PRKN: variants seen among roughly 807,000 people sequenced by gnomAD.
PRKN encodes parkin RBR E3 ubiquitin protein ligase.
In PRKN, 56 loss-of-function variants were observed where a neutral mutation model predicts 59.5. The ratio of observed to expected loss-of-function variants is 0.94; its 90% CI spans 0.76 to 1.18. The LOEUF (loss-of-function observed/expected upper bound fraction) is 1.18. PRKN is among the 50% of genes most tolerant of loss of function. PRKN has a pLI of 0.00. For missense variants in PRKN, 657 were observed against 596.4 expected, an observed-to-expected ratio of 1.10 and a Z score of -1.06; for synonymous variants, 250 against 222.1, an observed-to-expected ratio of 1.13 and a Z score of -1.12.
At position 162,070,050 on chromosome 6, in the gene PRKN, C is replaced by G. The variant is rs539685848; in HGVS notation, c.535-15876G>C. ...TCGCTTTCACATGTCCCAAGCCAAC[C>G]TTGATTTCCAGTGAAAATCTGTTAA... On this transcript the variant is annotated intron_variant, in intron 4 of 11. Transcript: ENST00000366898. Among the ~76,000 whole-genome samples the G allele has an allele frequency of 1.1e-4, 17 of 152,304 alleles. No homozygotes were observed. The South Asian group carries it at 3.5e-3, about 32-fold the overall frequency.
chr6:162,604,103 G>A (rs568334361), intron 1 of PRKN, among the ~76,000 whole-genome samples: 53 of 152,222 alleles, frequency 3.5e-4, no homozygotes, highest in African/African-American at 1.1e-3. Context: ...ACACTGCACC[G>A]CAGCAATTGC....
intron 7 of PRKN, among the ~76,000 whole-genome samples, chr6:161,707,112 G>A (rs1002886525): frequency 3.3e-5 from 5 of 152,064 alleles, no homozygotes; most frequent in East Asian, 3.8e-4. Context: ...TGCTAGTTCA[G>A]TTTAAAAAAT....
intron 1 of PRKN, among the ~76,000 whole-genome samples, chr6:162,483,840 T>C (rs542886599): frequency 1.3e-5 from 2 of 152,336 alleles, no homozygotes; most frequent in East Asian, 1.9e-4. Flanking sequence ...AATTGCAAGA[T>C]TGCTTATAAC....
rs117899794 is a variant in PRKN, at chr6:161,773,419, G to C, written c.871+12353C>G. ...GACGAGGCAGGGGGAAAGAATTCAG[G>C]CCATTCTACTATCTGTTTATCTATC... On this transcript the variant is annotated intron_variant, in intron 7 of 11. Transcript: ENST00000366898. Among the ~76,000 whole-genome samples the C allele has an allele frequency of 8.6e-3, 1,307 of 152,222 alleles. 3 individuals are homozygous for C. The highest frequency in any genetic ancestry group is 0.014 in the Non-Finnish European group (985 of 67,998).
Position 161,551,837 on chromosome 6 carries a change from C to T in PRKN, c.934-2834G>A, listed in dbSNP as rs143537794. On this transcript the variant is annotated intron_variant, in intron 8 of 11. Transcript: ENST00000366898. The surrounding 1 kb of genome is among the most constrained non-coding windows in gnomAD (Gnocchi z 5.2). ...CTGAAGGCAGGACTGAGACGAGAAG[C>T]GCAGATGGACAGTTTAAGCCAGAGA... Among the ~76,000 whole-genome samples the T allele has an allele frequency of 9.0e-3, 1,371 of 152,172 alleles. 27 individuals are homozygous for T. The highest frequency in any genetic ancestry group is 0.032 in the African/African-American group (1,318 of 41,496).
intron 6 of PRKN, among the ~76,000 whole-genome samples, chr6:161,942,739 T>C (rs1445554857): frequency 6.6e-6 from 1 of 152,158 alleles, no homozygotes; most frequent in Admixed American, 6.6e-5. Flanking sequence ...AGACTGTTCA[T>C]ATCATTTATT....
intron 7 of PRKN, among the ~76,000 whole-genome samples, chr6:161,644,829 G>C (rs1209218416): frequency 3.3e-5 from 5 of 152,320 alleles, no homozygotes; most frequent in Admixed American, 3.3e-4. Context: ...AACAGCCAAG[G>C]CTGCCCGAAA....
chr6:161,928,463 C>G (rs1779046645), intron 6 of PRKN, among the ~76,000 whole-genome samples: 2 of 152,066 alleles, frequency 1.3e-5, no homozygotes, highest in Admixed American at 6.6e-5. Flanking sequence ...TATTTCTTAG[C>G]TTCATAAAGT....
intron 1 of PRKN, among the ~76,000 whole-genome samples, chr6:162,461,030 A>C (rs998438045): frequency 6.6e-6 from 1 of 152,194 alleles, no homozygotes; most frequent in Admixed American, 6.5e-5. Context: ...TACTGTCAAC[A>C]AATATTTACT....
intron 2 of PRKN, among the ~76,000 whole-genome samples, chr6:162,403,403 CT>C (rs746868891): frequency 5.3e-4 from 81 of 152,226 alleles, no homozygotes; most frequent in Non-Finnish European, 1.0e-3. Context: ...ACCACTCCGC[CT>C]TATTTAGAAC....
chr6:161,990,668 C>G (rs548288702), intron 5 of PRKN, among the ~76,000 whole-genome samples: 3 of 152,038 alleles, frequency 2.0e-5, no homozygotes, highest in Non-Finnish European at 4.4e-5. Flanking sequence ...AAAAAGAATT[C>G]TGAACTTGAA....
chr6:162,574,855 T>C (rs1428357547), intron 1 of PRKN, among the ~76,000 whole-genome samples: 1 of 151,314 alleles, frequency 6.6e-6, no homozygotes, highest in Non-Finnish European at 1.5e-5. Flanking sequence ...GTCAAATGGA[T>C]TGGTTGTTTT....
At chr6:162,705,990 C>T (rs1353933336) in intron 1 of PRKN, among the ~76,000 whole-genome samples, 1 of 152,096 alleles carries the variant, frequency 6.6e-6, no homozygotes, top group African/African-American at 2.4e-5. Flanking sequence ...CAGACACCTC[C>T]GCCAGCCCCT....
At chr6:162,365,200 T>C (rs1412375924) in intron 2 of PRKN, among the ~76,000 whole-genome samples, 1 of 152,138 alleles carries the variant, frequency 6.6e-6, no homozygotes, top group Non-Finnish European at 1.5e-5. Context: ...TCCCCACCTC[T>C]GAATTTCACC....
Position 162,640,619 on chromosome 6 carries a change from G to A in PRKN, c.7+87043C>T, listed in dbSNP as rs137941641. Among the ~76,000 whole-genome samples, 67 of 152,304 alleles carry A rather than the reference G, an allele frequency of 4.4e-4. No homozygotes were observed. The East Asian group carries it at 0.012, about 27-fold the overall frequency. ...TAAATTAGTCTCATCAGTTCATTTA[G>A]TCCTTAGTAATTAAGTTTTATTCTG... On this transcript the variant is annotated intron_variant, in intron 1 of 11. Coordinates refer to ENST00000366898, the MANE Select transcript of PRKN (RefSeq NM_004562.3).
In PRKN at chr6:162,663,161, G is replaced by C. The variant is rs181668238; in HGVS notation, c.7+64501C>G. The stretch of plus-strand genomic sequence containing the variant: ...CTTATCAGCTAATTCTTAGCAGAAA[G>C]CCTTTTATATATCAGGGATTGCTCA... On this transcript the variant is annotated intron_variant, in intron 1 of 11. Coordinates refer to ENST00000366898, the MANE Select transcript of PRKN (RefSeq NM_004562.3). 3.2e-3 allele frequency among the ~76,000 whole-genome samples: 482 copies of C among 152,256 alleles called. 6 individuals carry two copies. Among genetic ancestry groups the C allele is most frequent in the Middle Eastern group, 6.8e-3 (2 of 292 alleles).
chr6:161,926,863 T>C (rs1778987824), intron 6 of PRKN, among the ~76,000 whole-genome samples: 2 of 152,200 alleles, frequency 1.3e-5, no homozygotes, highest in Non-Finnish European at 2.9e-5. Context: ...CAAGGGCAAG[T>C]AGTGGCAAAC....
intron 4 of PRKN, among the ~76,000 whole-genome samples, chr6:162,066,555 C>T (rs1778347238): frequency 6.6e-6 from 1 of 152,146 alleles, no homozygotes; most frequent in Non-Finnish European, 1.5e-5. Context: ...ATCAATACCC[C>T]TAAGAAAGGA....
chr6:161,766,044 C>T (rs1789409670), intron 7 of PRKN, among the ~76,000 whole-genome samples: 1 of 152,114 alleles, frequency 6.6e-6, no homozygotes, highest in South Asian at 2.1e-4. Context: ...AAACTAGTTT[C>T]CCTCTATGTT....
Sources: allele counts gnomAD v4.1 joint callset (sites outside exome capture counted in the v4.1 genomes callset), GRCh38; gene constraint gnomAD v4.1.1; non-coding constraint Gnocchi (gnomAD v3.1); transcripts MANE v1.5; gene names NCBI Gene and HGNC (gene_info 2026-07-23, HGNC 2026-07-21).